Variants in FBXL13 observed in about 807,000 individuals in gnomAD.
The protein encoded by FBXL13 is F-box and leucine rich repeat protein 13, also known as F-box and leucine-rich repeat protein 13.
FBXL13 carries 67 observed loss-of-function variants against 83.6 expected under a neutral mutation model. The observed-to-expected ratio is 0.80, with a 90% confidence interval of 0.66 to 0.98. The LOEUF is 0.98. FBXL13 is among the 50% of genes least tolerant of loss of function. The pLI is 0.00. For missense variants in FBXL13, 822 were observed against 866.5 expected, an observed-to-expected ratio of 0.95 and a Z score of 0.64; for synonymous variants, 272 against 299.5, an observed-to-expected ratio of 0.91 and a Z score of 0.95.
chr7:103,055,078 T>C lies in FBXL13; in HGVS notation c.-1+566A>G. The stretch of plus-strand genomic sequence containing the variant: ...TATATATTTGCGTATTCTTGATTAC[T>C]AATAATTACCAGCTGATCATCCAAT... On this transcript the variant is annotated intron_variant, in intron 2 of 19. Coordinates refer to ENST00000313221, the Ensembl canonical transcript of FBXL13. The C allele has an allele frequency of 8.0e-7, 1 of 1,255,678 alleles. No homozygotes were observed. The highest frequency in any genetic ancestry group is 1.0e-6 in the Non-Finnish European group (1 of 961,224). The allele number at this position is 1,255,678 out of a possible 1,614,324, so 77.8% of individuals were successfully genotyped here. A position where few individuals can be genotyped will look rare whatever the true frequency, so the allele number is the denominator to read the frequency against.
chr7:102,949,081 T>C (rs553378339), intron 8 of FBXL13, among the ~76,000 whole-genome samples: 1 of 152,300 alleles, frequency 6.6e-6, no homozygotes, highest in East Asian at 1.9e-4. Flanking sequence ...TTACAACTGT[T>C]GTGTTCAATC....
At chr7:102,937,000 T>C (rs961236319) in intron 8 of FBXL13, among the ~76,000 whole-genome samples, 7 of 152,208 alleles carry the variant, frequency 4.6e-5, no homozygotes, top group Non-Finnish European at 7.4e-5. Context: ...CTTCAACTTA[T>C]TGTTGTGTAA....
At chr7:102,983,225 A>G (rs1828475618) in intron 6 of FBXL13, among the ~76,000 whole-genome samples, 1 of 152,090 alleles carries the variant, frequency 6.6e-6, no homozygotes, top group Non-Finnish European at 1.5e-5. Flanking sequence ...GCAGTGTAGC[A>G]TTAACCACCT....
chr7:103,068,502 A>G (rs1291575331), intron 1 of FBXL13, among the ~76,000 whole-genome samples: 1 of 152,228 alleles, frequency 6.6e-6, no homozygotes, highest in East Asian at 1.9e-4. Context: ...ACTAGAAAAA[A>G]ACAGACACAT....
At chr7:102,839,488 G>A (rs1257584169) in intron 17 of FBXL13, among the ~76,000 whole-genome samples, 1 of 152,162 alleles carries the variant, frequency 6.6e-6, no homozygotes, top group Non-Finnish European at 1.5e-5. Context: ...CACAGGTGTG[G>A]AGGGGCTGGC....
chr7:102,952,857 A>G (rs976406087), intron 8 of FBXL13, among the ~76,000 whole-genome samples: 6 of 151,900 alleles, frequency 3.9e-5, no homozygotes, highest in African/African-American at 1.5e-4. Flanking sequence ...GGTGGCACGC[A>G]CCTGTAATCC....
chr7:102,929,570 A>T (rs1018963629), intron 9 of FBXL13, among the ~76,000 whole-genome samples: 2 of 149,364 alleles, frequency 1.3e-5, no homozygotes, highest in Non-Finnish European at 3.0e-5. Flanking sequence ...TGGCTGAGGC[A>T]GGAGAATCAC....
rs1020917613 is a variant in FBXL13 at position 103,052,192 on chromosome 7, C to T, written c.-1+3452G>A. Among the ~76,000 whole-genome samples, 4 of 152,148 alleles carry T rather than the reference C, an allele frequency of 2.6e-5. No homozygotes were observed. The South Asian group carries it at 6.2e-4, about 24-fold the overall frequency. ...AAAATCATTTTACTGCCAGTTATAA[C>T]GGTATGGAAAACCACATAGGAAAGG... On this transcript the variant is annotated intron_variant, in intron 2 of 19. Transcript: ENST00000313221.
chr7:103,021,189 A>G (rs1278096696), intron 6 of FBXL13, among the ~76,000 whole-genome samples: 1 of 152,214 alleles, frequency 6.6e-6, no homozygotes, highest in Non-Finnish European at 1.5e-5. Context: ...CATATCTACA[A>G]CCATCTGATC....
At chr7:102,860,309 T>C (rs1806619608) in intron 16 of FBXL13, among the ~76,000 whole-genome samples, 1 of 152,160 alleles carries the variant, frequency 6.6e-6, no homozygotes, top group African/African-American at 2.4e-5. Context: ...AATGAATGCT[T>C]CCAGTTGGAA....
intron 11 of FBXL13, among the ~76,000 whole-genome samples, chr7:102,893,972 A>G (rs1295127895): frequency 2.6e-5 from 4 of 151,208 alleles, no homozygotes; most frequent in African/African-American, 9.8e-5. Flanking sequence ...GAGAGAAAGA[A>G]AGAAAGAAAG....
At chr7:102,958,747 AT>A (rs1241874181) in intron 8 of FBXL13, among the ~76,000 whole-genome samples, 2 of 152,034 alleles carry the variant, frequency 1.3e-5, no homozygotes, top group African/African-American at 4.8e-5. Context: ...AATGTATAAC[AT>A]GCGTGAAGAC....
chr7:102,913,118 G>C, exon 11 of FBXL13: 2 of 1,614,166 alleles, frequency 1.2e-6, no homozygotes, highest in Non-Finnish European at 1.7e-6. Flanking sequence ...AGATAGATGA[G>C]CTTGTGGCAT....
intron 6 of FBXL13, among the ~76,000 whole-genome samples, chr7:102,975,084 T>C (rs1299008376): frequency 1.3e-5 from 2 of 152,166 alleles, no homozygotes; most frequent in Non-Finnish European, 2.9e-5. Context: ...TTTCAGGTTC[T>C]TCCTTCTCTC....
At chr7:102,977,842 G>A (rs568345613) in intron 6 of FBXL13, among the ~76,000 whole-genome samples, 244 of 152,148 alleles carry the variant, frequency 1.6e-3, no homozygotes, top group Non-Finnish European at 3.1e-3. Context: ...GCAAACTATC[G>A]CAAGGACAAA....
chr7:102,891,745 C>A (rs569370766), intron 11 of FBXL13, among the ~76,000 whole-genome samples: 3 of 152,316 alleles, frequency 2.0e-5, no homozygotes, highest in Admixed American at 2.0e-4. Flanking sequence ...GGAAGGCTTG[C>A]ATGCTTGCCA....
intron 2 of FBXL13, among the ~76,000 whole-genome samples, chr7:103,038,726 G>C (rs1392532213): frequency 1.3e-5 from 2 of 152,180 alleles, no homozygotes; most frequent in African/African-American, 4.8e-5. Context: ...GCAGCTCAGG[G>C]GTCTGACTGT....
At chr7:103,048,510 T>C (rs191558725) in intron 2 of FBXL13, among the ~76,000 whole-genome samples, 90 of 152,210 alleles carry the variant, frequency 5.9e-4, no homozygotes, top group African/African-American at 2.0e-3. Context: ...ATTTCACCCT[T>C]GCATTAGTGG....
chr7:102,945,887 T>A (rs1320686964), intron 8 of FBXL13, among the ~76,000 whole-genome samples: 2 of 150,340 alleles, frequency 1.3e-5, no homozygotes, highest in Non-Finnish European at 1.5e-5. Context: ...GTATTAGGCA[T>A]TTTTTTTTTC....
Sources: allele counts gnomAD v4.1 joint callset (sites outside exome capture counted in the v4.1 genomes callset), GRCh38; gene constraint gnomAD v4.1.1; transcripts MANE v1.5; gene names NCBI Gene and HGNC (gene_info 2026-07-23, HGNC 2026-07-21).